The following NT5C2 variants were observed in gnomAD, a reference collection of about 807,000 sequenced individuals.
NT5C2 encodes the protein 5'-nucleotidase, cytosolic II.
In NT5C2, 58 loss-of-function variants were observed where a neutral mutation model predicts 76.1. The observed-to-expected ratio is 0.76, with a 90% CI of 0.62 to 0.95. The LOEUF (loss-of-function observed/expected upper bound fraction) is 0.95. Ranked by LOEUF, NT5C2 falls within the 40% of genes least tolerant of loss-of-function variation. The probability of loss-of-function intolerance (pLI) is 0.00; values close to 1 mark genes in which losing one functional copy is unlikely to be tolerated. For synonymous variants in NT5C2, 229 were observed against 237.4 expected (o/e 0.96, Z 0.32); for missense variants, 478 against 690.3 (o/e 0.69, Z 3.45).
intron 3 of NT5C2, among the ~76,000 whole-genome samples, chr10:103,142,121 T>C (rs907556967): frequency 1.3e-5 from 2 of 151,792 alleles, no homozygotes; most frequent in African/African-American, 4.8e-5. Context: ...CTGTTTGTTT[T>C]CACAGAAAGA....
At position 103,107,671 on chromosome 10, in the gene NT5C2, T is replaced by TA. The variant is rs1398383469; in HGVS notation, c.176-966dup. ...CTGGGTGACAGAGCGAGACTCTGTC[T>TA]AAAAAAAAAAAATATGCAAATGTGT... On this transcript the variant is annotated intron_variant, in intron 4 of 18. Transcript: ENST00000404739. Among the ~76,000 whole-genome samples the TA allele has an allele frequency of 1.2e-3, 166 of 141,850 alleles. 1 individual carries two copies. The highest frequency in any genetic ancestry group is 7.7e-3 in the Middle Eastern group (2 of 260). The allele number at this position is 141,850 out of a possible 152,430, so 93.1% of individuals were successfully genotyped here. A position where few individuals can be genotyped will look rare whatever the true frequency, so the allele number is the denominator to read the frequency against.
At chr10:103,094,977 T>C (rs1564928385) in intron 12 of NT5C2, among the ~76,000 whole-genome samples, 1 of 151,576 alleles carries the variant, frequency 6.6e-6, no homozygotes. Context: ...ACACATTCTA[T>C]ACATTAAATC....
intron 4 of NT5C2, among the ~76,000 whole-genome samples, chr10:103,129,042 C>T (rs1401912240): frequency 1.2e-4 from 14 of 117,484 alleles, no homozygotes; most frequent in South Asian, 3.0e-4. Context: ...TCAGCCCCCC[C>T]GACCGGCCAG....
intron 2 of NT5C2, among the ~76,000 whole-genome samples, chr10:103,180,044 CT>C (rs778826340): frequency 3.3e-5 from 5 of 152,042 alleles, no homozygotes; most frequent in Admixed American, 6.6e-5. Context: ...AGGAAGAGCT[CT>C]CAAAATGCAA....
intron 3 of NT5C2, chr10:103,146,276 G>T: frequency 1.0e-6 from 1 of 985,348 alleles, no homozygotes; most frequent in African/African-American, 1.7e-5. Context: ...AAATCCATTT[G>T]GAATAGAATT....
intron 2 of NT5C2, among the ~76,000 whole-genome samples, chr10:103,178,191 C>T (rs551029005): frequency 2.6e-5 from 4 of 152,318 alleles, no homozygotes; most frequent in African/African-American, 7.2e-5. Context: ...TTAATCCACA[C>T]GTCTCATCAT....
At chr10:103,180,393 G>C (rs867498721) in intron 2 of NT5C2, among the ~76,000 whole-genome samples, 30 of 152,138 alleles carry the variant, frequency 2.0e-4, no homozygotes, top group African/African-American at 7.0e-4. Flanking sequence ...CTTTCTAATT[G>C]TAAGTAATTG....
intron 6 of NT5C2, among the ~76,000 whole-genome samples, chr10:103,102,767 T>C (rs1419382443): frequency 6.6e-6 from 1 of 152,022 alleles, no homozygotes; most frequent in East Asian, 1.9e-4. Context: ...TAAGAAGTGA[T>C]GTGAGAGTAG....
At chr10:103,099,008 T>C in intron 9 of NT5C2, 24 bp from the exon 10 acceptor site, 1 of 1,569,348 alleles carries the variant, frequency 6.4e-7, no homozygotes, top group Non-Finnish European at 8.7e-7. Context: ...AAAAAAAGAA[T>C]TAAGAAAAGA....
At chr10:103,174,359 T>C (rs2089243651) in intron 3 of NT5C2, among the ~76,000 whole-genome samples, 1 of 151,982 alleles carries the variant, frequency 6.6e-6, no homozygotes, top group Non-Finnish European at 1.5e-5. Context: ...GAACTGAGAC[T>C]GCACCACTGC....
intron 4 of NT5C2, among the ~76,000 whole-genome samples, chr10:103,118,729 T>G (rs1182978017): frequency 6.6e-6 from 1 of 152,218 alleles, no homozygotes; most frequent in African/African-American, 2.4e-5. Flanking sequence ...TGATTAGATT[T>G]TTACTTTGTT....
intron 3 of NT5C2, among the ~76,000 whole-genome samples, chr10:103,143,175 G>C (rs142751800): frequency 8.5e-5 from 13 of 152,146 alleles, no homozygotes; most frequent in African/African-American, 3.1e-4. Flanking sequence ...GTAACTGTAG[G>C]AAATTAGAAT....
At chr10:103,129,914 G>C (rs866653632) in intron 4 of NT5C2, among the ~76,000 whole-genome samples, 14 of 91,054 alleles carry the variant, frequency 1.5e-4, no homozygotes, top group African/African-American at 2.5e-4. Flanking sequence ...CAGCCGCCCC[G>C]TCCGGGAGGG....
intron 4 of NT5C2, among the ~76,000 whole-genome samples, chr10:103,120,270 GA>G (rs917911935): frequency 2.0e-5 from 3 of 151,770 alleles, no homozygotes; most frequent in Non-Finnish European, 1.5e-5. Flanking sequence ...GGCAACAAAA[GA>G]AAAAAACAGA....
intron 1 of NT5C2, among the ~76,000 whole-genome samples, chr10:103,188,531 A>G (rs2092317533): frequency 2.0e-5 from 3 of 152,202 alleles, no homozygotes; most frequent in Admixed American, 2.0e-4. Context: ...AATGCAAAAC[A>G]TTTTGGGATT....
At chr10:103,187,202 A>C (rs938196673) in intron 1 of NT5C2, among the ~76,000 whole-genome samples, 3 of 152,062 alleles carry the variant, frequency 2.0e-5, no homozygotes, top group Admixed American at 1.3e-4. Context: ...GTACGCTGAG[A>C]GCGCACCTCT....
At chr10:103,178,192 G>A (rs781756205) in intron 2 of NT5C2, among the ~76,000 whole-genome samples, 3 of 152,122 alleles carry the variant, frequency 2.0e-5, no homozygotes, top group Non-Finnish European at 4.4e-5. Flanking sequence ...TAATCCACAC[G>A]TCTCATCATA....
At chr10:103,124,730 A>T (rs1260676680) in intron 4 of NT5C2, among the ~76,000 whole-genome samples, 1 of 152,038 alleles carries the variant, frequency 6.6e-6, no homozygotes, top group Admixed American at 6.6e-5. Context: ...AGCTAGTACA[A>T]GGCAGAGCTG....
chr10:103,089,577 C>A lies in NT5C2; in HGVS notation c.*95G>T. ...GACGTACCTTTCATGGAGCCCCCTC[C>A]CTCCCCCGAGTAGAACCCTAACAGG... On this transcript the variant is annotated 3_prime_UTR_variant, in exon 19 of 19. Transcript: ENST00000404739. The A allele has an allele frequency of 7.0e-7, 1 of 1,430,890 alleles. No individual in the cohort carries two copies. The highest frequency in any genetic ancestry group is 9.2e-7 in the Non-Finnish European group (1 of 1,090,420). The allele number at this position is 1,430,890 out of a possible 1,614,324, so 88.6% of individuals were successfully genotyped here.
Sources: gnomAD v4.1 joint callset for allele counts (sites outside exome capture counted in the v4.1 genomes callset) on GRCh38, gnomAD v4.1.1 for gene constraint, MANE v1.5 for transcripts, NCBI Gene and HGNC (gene_info 2026-07-23, HGNC 2026-07-21) for gene names.